Variants in NAV2 observed in about 807,000 individuals in gnomAD.
The protein encoded by NAV2 is helicase, APC down-regulated 1.
A neutral mutation model predicts 223.2 loss-of-function variants in NAV2; 54 were observed. That is an observed-to-expected ratio of 0.24 (90% CI 0.19 to 0.30). The LOEUF (loss-of-function observed/expected upper bound fraction) is 0.30. NAV2 is among the 10% of genes least tolerant of loss of function. The probability of loss-of-function intolerance (pLI) is 1.00; values close to 1 mark genes in which losing one functional copy is unlikely to be tolerated. For missense variants in NAV2, 2,806 were observed against 3,147.5 expected, an observed-to-expected ratio of 0.89 and a Z score of 2.60; for synonymous variants, 1,279 against 1,239.3, an observed-to-expected ratio of 1.03 and a Z score of -0.67.
chr11:19,973,383 C>T (rs1482150783), intron 10 of NAV2, among the ~76,000 whole-genome samples: 1 of 152,122 alleles, frequency 6.6e-6, no homozygotes, highest in African/African-American at 2.4e-5. Context: ...CTTGGGGAGC[C>T]GTAGCAGAAA....
intron 6 of NAV2, among the ~76,000 whole-genome samples, chr11:19,923,312 C>G (rs1191856315): frequency 6.6e-6 from 1 of 152,126 alleles, no homozygotes; most frequent in African/African-American, 2.4e-5. Flanking sequence ...ATTTAAGAAT[C>G]ACACTATCAT....
At chr11:19,426,099 G>A (rs1025087980) in intron 1 of NAV2, among the ~76,000 whole-genome samples, 3 of 152,186 alleles carry the variant, frequency 2.0e-5, no homozygotes, top group African/African-American at 7.2e-5. Flanking sequence ...ATTCTGAGTT[G>A]TGGTGAAAGG....
chr11:19,688,898 A>G (rs1643496522), intron 1 of NAV2, among the ~76,000 whole-genome samples: 2 of 152,170 alleles, frequency 1.3e-5, no homozygotes, highest in South Asian at 4.2e-4. Context: ...ATCCCCTTTC[A>G]CTGCACAAAG....
At chr11:19,988,250 C>G (rs953821444) in intron 11 of NAV2, among the ~76,000 whole-genome samples, 5 of 152,180 alleles carry the variant, frequency 3.3e-5, no homozygotes, top group African/African-American at 1.2e-4. Context: ...AATGTCATCC[C>G]AAGATCACAT....
chr11:19,585,379 A>C (rs2045861792), intron 1 of NAV2, among the ~76,000 whole-genome samples: 1 of 151,976 alleles, frequency 6.6e-6, no homozygotes, highest in Non-Finnish European at 1.5e-5. Context: ...GCCCATTTAC[A>C]TTTAAGTTAA....
intron 1 of NAV2, among the ~76,000 whole-genome samples, chr11:19,607,150 G>T (rs963734935): frequency 2.6e-5 from 4 of 152,252 alleles, no homozygotes; most frequent in Non-Finnish European, 4.4e-5. Context: ...GTTTGAAGAA[G>T]TTGCAGTGGA....
chr11:19,490,675 A>G (rs2042595229), intron 1 of NAV2, among the ~76,000 whole-genome samples: 1 of 152,222 alleles, frequency 6.6e-6, no homozygotes, highest in South Asian at 2.1e-4. Context: ...AAAGCCATCC[A>G]TGAAGATTGG....
intron 1 of NAV2, among the ~76,000 whole-genome samples, chr11:19,668,645 C>A (rs1242739197): frequency 1.3e-5 from 2 of 151,678 alleles, no homozygotes; most frequent in East Asian, 2.0e-4. Context: ...GTGGGGCACA[C>A]TTTTCCTGTC....
At chr11:20,069,201 A>T (rs969131943) in intron 22 of NAV2, among the ~76,000 whole-genome samples, 2 of 152,168 alleles carry the variant, frequency 1.3e-5, no homozygotes, top group African/African-American at 4.8e-5. Context: ...ATGCATAGGG[A>T]TGACAGCATT....
intron 26 of NAV2, among the ~76,000 whole-genome samples, chr11:20,088,859 A>G (rs1365328205): frequency 6.6e-6 from 1 of 152,180 alleles, no homozygotes; most frequent in African/African-American, 2.4e-5. Flanking sequence ...TGAGCCTTCA[A>G]GATTCATGTA....
At chr11:19,859,763 T>G (rs1469310512) in intron 3 of NAV2, among the ~76,000 whole-genome samples, 1 of 93,208 alleles carries the variant, frequency 1.1e-5, no homozygotes, top group Non-Finnish European at 2.2e-5. Flanking sequence ...GCTGGCCGGG[T>G]GGGGGGCTGA....
At chr11:19,895,750 C>T (rs2041925421) in intron 6 of NAV2, among the ~76,000 whole-genome samples, 1 of 152,156 alleles carries the variant, frequency 6.6e-6, no homozygotes, top group Non-Finnish European at 1.5e-5. Context: ...TTTCAACCAT[C>T]CTGAGGTAAA....
intron 1 of NAV2, among the ~76,000 whole-genome samples, chr11:19,476,252 C>G (rs575369605): frequency 6.6e-6 from 1 of 152,178 alleles, no homozygotes; most frequent in African/African-American, 2.4e-5. Flanking sequence ...GGATTACAGG[C>G]GTGAGCCACT....
At chr11:20,013,108 G>C (rs2053705150) in intron 11 of NAV2, among the ~76,000 whole-genome samples, 1 of 152,164 alleles carries the variant, frequency 6.6e-6, no homozygotes, top group Non-Finnish European at 1.5e-5. Context: ...TCCAGATTTT[G>C]GCTTTAGCAT....
In NAV2 at chr11:19,959,188, G is replaced by A. The variant is rs531089896; in HGVS notation, c.2645+10108G>A. 3.2e-3 allele frequency among the ~76,000 whole-genome samples: 488 copies of A among 152,240 alleles called. 3 individuals are homozygous for A. The highest frequency in any genetic ancestry group is 0.011 in the African/African-American group (470 of 41,546). On this transcript the variant is annotated intron_variant, in intron 10 of 37. Transcript: ENST00000349880. Reference sequence around the variant, plus strand: ...TCCCAGATTGTCTCAGGCCTCTCAGGCCACCCCCAGACCAAGGTGGGTTGA... The same window carrying A: ...TCCCAGATTGTCTCAGGCCTCTCAGACCACCCCCAGACCAAGGTGGGTTGA...
chr11:19,350,884 T>G, exon 1 of NAV2: 1 of 1,475,196 alleles, frequency 6.8e-7, no homozygotes, highest in Non-Finnish European at 9.3e-7. Context: ...CACTTTTGTG[T>G]GGGTTATTTT....
intron 1 of NAV2, among the ~76,000 whole-genome samples, chr11:19,723,974 GA>G (rs1427824697): frequency 6.6e-6 from 1 of 152,150 alleles, no homozygotes; most frequent in Non-Finnish European, 1.5e-5. Flanking sequence ...GACAAGCCTT[GA>G]AGGAAAAAAC....
intron 1 of NAV2, chr11:19,778,344 T>A (rs1453741834): frequency 2.2e-6 from 1 of 455,760 alleles, no homozygotes. Flanking sequence ...CTCGGTAAAA[T>A]GGAGCAAGTT....
At chr11:19,704,790 A>T (rs1296920440) in intron 1 of NAV2, among the ~76,000 whole-genome samples, 1 of 152,136 alleles carries the variant, frequency 6.6e-6, no homozygotes, top group Non-Finnish European at 1.5e-5. Context: ...AGGCGGGTGG[A>T]TCACGAGGTC....
Sources: allele counts gnomAD v4.1 joint callset (sites outside exome capture counted in the v4.1 genomes callset), GRCh38; gene constraint gnomAD v4.1.1; transcripts MANE v1.5; gene names NCBI Gene and HGNC (gene_info 2026-07-23, HGNC 2026-07-21).